Variants in ARHGAP6 observed in about 807,000 individuals in gnomAD.
The protein encoded by ARHGAP6 is rho GTPase-activating protein 6.
In ARHGAP6, 16 loss-of-function variants were observed where a neutral mutation model predicts 55.7. The ratio of observed to expected loss-of-function variants is 0.29; its 90% CI spans 0.19 to 0.44. The LOEUF is 0.44. Among genes scored for constraint, ARHGAP6 ranks in the 20% least tolerant of loss-of-function variants. The pLI is 1.00. For missense variants in ARHGAP6, 698 were observed against 808.9 expected (o/e 0.86, Z 1.66); for synonymous variants, 382 against 360.9 (o/e 1.06, Z -0.66).
At chrX:11,268,070 T>C (rs2047649789) in intron 1 of ARHGAP6, among the ~76,000 whole-genome samples, 1 of 112,147 alleles carries the variant, frequency 8.9e-6, no homozygotes, top group East Asian at 2.8e-4. Flanking sequence ...AGAAACAATT[T>C]ATAGCCTAAG....
chrX:11,511,912 T>G (rs776075570), intron 1 of ARHGAP6, among the ~76,000 whole-genome samples: 1 of 111,384 alleles, frequency 9.0e-6, no homozygotes, highest in Non-Finnish European at 1.9e-5. Flanking sequence ...CTGCAAGCTC[T>G]GCCTCCCGGG....
At chrX:11,657,813 G>A (rs1457486686) in intron 1 of ARHGAP6, among the ~76,000 whole-genome samples, 3 of 111,349 alleles carry the variant, frequency 2.7e-5, no homozygotes, top group African/African-American at 9.8e-5. Context: ...AGAGTCAGAG[G>A]AGTGGGAAGA....
intron 1 of ARHGAP6, among the ~76,000 whole-genome samples, chrX:11,595,061 C>T (rs773374556): frequency 1.4e-4 from 16 of 111,526 alleles, no homozygotes; most frequent in East Asian, 5.6e-4. Context: ...GAGGCCAAGG[C>T]GGGCAGATCA....
At chrX:11,496,253 G>A (rs913529210) in intron 1 of ARHGAP6, among the ~76,000 whole-genome samples, 3 of 112,639 alleles carry the variant, frequency 2.7e-5, no homozygotes, top group African/African-American at 9.7e-5. Flanking sequence ...GATAAAAAAT[G>A]TTCTTACTAT....
At chrX:11,359,199 T>C (rs2048976959) in intron 1 of ARHGAP6, among the ~76,000 whole-genome samples, 1 of 112,156 alleles carries the variant, frequency 8.9e-6, no homozygotes, top group Non-Finnish European at 1.9e-5. Flanking sequence ...TATGAATCTG[T>C]ACAGAAACAT....
At chrX:11,540,537 A>C (rs942156912) in intron 1 of ARHGAP6, among the ~76,000 whole-genome samples, 13 of 111,402 alleles carry the variant, frequency 1.2e-4, no homozygotes, top group Non-Finnish European at 2.4e-4. Flanking sequence ...TTCCTTGGCC[A>C]AATAGCTGGT....
intron 1 of ARHGAP6, among the ~76,000 whole-genome samples, chrX:11,433,293 A>G (rs2049957887): frequency 8.9e-6 from 1 of 112,427 alleles, no homozygotes; most frequent in Admixed American, 9.4e-5. Context: ...AAAGAAAACA[A>G]GTGAGGAAGG....
intron 1 of ARHGAP6, among the ~76,000 whole-genome samples, chrX:11,508,239 C>A (rs936622996): frequency 4.5e-4 from 50 of 110,884 alleles, no homozygotes; most frequent in African/African-American, 1.5e-3. Flanking sequence ...TCACTGCAAC[C>A]TTGAACTCCT....
chrX:11,220,863 T>A (rs2147415387), intron 2 of ARHGAP6, among the ~76,000 whole-genome samples: 1 of 108,744 alleles, frequency 9.2e-6, no homozygotes, highest in South Asian at 4.2e-4. Context: ...TCAAGACCCA[T>A]CAGTGTGCTG....
chrX:11,383,613 T>G (rs1364826736), intron 1 of ARHGAP6, among the ~76,000 whole-genome samples: 1 of 111,365 alleles, frequency 9.0e-6, no homozygotes, highest in African/African-American at 3.3e-5. Flanking sequence ...ATCTATAGTC[T>G]CAGGTACAAA....
chrX:11,660,531 A>T (rs1240092712), intron 1 of ARHGAP6, among the ~76,000 whole-genome samples: 1 of 7,140 alleles, frequency 1.4e-4, no homozygotes, highest in Non-Finnish European at 2.4e-4. Context: ...TCTCTCTCTC[A>T]AAAAAAAAAA....
chrX:11,545,128 G>T (rs926743395), intron 1 of ARHGAP6, among the ~76,000 whole-genome samples: 2 of 111,660 alleles, frequency 1.8e-5, no homozygotes, highest in Non-Finnish European at 1.9e-5. Flanking sequence ...CAATGATGAG[G>T]GGCAGGGAGT....
At chrX:11,560,065 AAAT>A (rs2051369503) in intron 1 of ARHGAP6, among the ~76,000 whole-genome samples, 1 of 110,869 alleles carries the variant, frequency 9.0e-6, no homozygotes, top group Non-Finnish European at 1.9e-5. Flanking sequence ...CATGCTAAAA[AAAT>A]AATAATAGAT....
At chrX:11,193,861 A>T (rs6640718) in intron 3 of ARHGAP6, among the ~76,000 whole-genome samples, 56,791 of 111,867 alleles carry the variant, frequency 0.51, 10,630 homozygotes, top group Non-Finnish European at 0.59. Context: ...ACATGCAAGC[A>T]AACATACATC....
chrX:11,524,409 T>C (rs2050967700), intron 1 of ARHGAP6, among the ~76,000 whole-genome samples: 1 of 112,143 alleles, frequency 8.9e-6, no homozygotes, highest in Non-Finnish European at 1.9e-5. Context: ...GTGACAATCA[T>C]GCCATCAGTT....
chrX:11,281,649 C>T (rs1445539932), intron 1 of ARHGAP6, among the ~76,000 whole-genome samples: 3 of 110,729 alleles, frequency 2.7e-5, no homozygotes, highest in African/African-American at 9.8e-5. Flanking sequence ...TTGCAGAACA[C>T]AAGTTATGGA....
chrX:11,332,490 C>A (rs5935008), intron 1 of ARHGAP6, among the ~76,000 whole-genome samples: 24,988 of 111,246 alleles, frequency 0.22, 2,110 homozygotes, highest in Middle Eastern at 0.36. Flanking sequence ...CTTGCTGGTA[C>A]TACCAGAGAT....
chrX:11,518,456 TTTTTTC>T (rs2050869593), intron 1 of ARHGAP6, among the ~76,000 whole-genome samples: 1 of 89,800 alleles, frequency 1.1e-5, no homozygotes, highest in African/African-American at 4.5e-5. Flanking sequence ...ATTTTCTTTT[TTTTTTC>T]TTTTTTTTTT....
At chrX:11,239,674 C>T (rs1215070004) in intron 2 of ARHGAP6, among the ~76,000 whole-genome samples, 19 of 111,270 alleles carry the variant, frequency 1.7e-4, no homozygotes, top group Admixed American at 1.3e-3. Context: ...CTTAAGTTAT[C>T]CAGACAGTAT....
Sources: allele counts gnomAD v4.1 joint callset (sites outside exome capture counted in the v4.1 genomes callset), GRCh38; gene constraint gnomAD v4.1.1; transcripts MANE v1.5; gene names NCBI Gene and HGNC (gene_info 2026-07-23, HGNC 2026-07-21).